The following GEMIN5 variants were observed in gnomAD, a reference collection of about 807,000 sequenced individuals.
The protein encoded by GEMIN5 is gem-associated protein 5.
GEMIN5 carries 124 observed loss-of-function variants against 176.9 expected under a neutral mutation model. That is an observed-to-expected ratio of 0.70 (90% CI 0.61 to 0.81). The LOEUF is 0.81. GEMIN5 is among the 40% of genes least tolerant of loss of function. The pLI is 0.00. For missense variants in GEMIN5, 1,843 were observed against 1,814.6 expected (o/e 1.02, Z -0.28); for synonymous variants, 673 against 665.2 (o/e 1.01, Z -0.18).
intron 25 of GEMIN5, 50 bp from the exon 26 acceptor site, chr5:154,891,792 G>C (rs775484649): frequency 6.6e-7 from 1 of 1,509,612 alleles, no homozygotes; most frequent in Non-Finnish European, 8.9e-7. Flanking sequence ...CTAGTTGCCA[G>C]AAATGTGGCT....
In GEMIN5 at chr5:154,902,645, C is replaced by T. The variant is rs752556952; in HGVS notation, c.2760G>A (p.Glu920=). ...GKGHLENGHP[E]LFHQLMLWKG... ...TCCAAAGCATAAGCTGGTGAAATAA[C>T]TCAGGGTGGCCATTTTCTAAGTGAC... is the stretch of plus-strand genomic sequence containing the variant. The change falls in exon 20 of 28, where the codon GAG becomes GAA. Residue 920 remains glutamate (E), a synonymous_variant. Coordinates refer to ENST00000285873, the MANE Select transcript of GEMIN5 (RefSeq NM_015465.5). 3.1e-6 allele frequency: 5 copies of T among 1,614,036 alleles called. No homozygotes were observed. The highest frequency in any genetic ancestry group is 4.2e-6 in the Non-Finnish European group (5 of 1,179,922).
At position 154,891,493 on chromosome 5, in the gene GEMIN5, CTGT is replaced by C. The variant is rs1287549834; in HGVS notation, c.4007_4009del (p.Asn1336del). On this transcript the variant is annotated inframe_deletion, in exon 26 of 28. Transcript: ENST00000285873. ...GAGTCTCAAGTCTAGTTCTGAAGGC[CTGT>C]TTGGCTCTGGCTGAGAAGTTTCAGG... The C allele has an allele frequency of 1.2e-6, 2 of 1,614,004 alleles. No individual in the cohort carries two copies. Among genetic ancestry groups the C allele is most frequent in the Non-Finnish European group, 1.7e-6 (2 of 1,180,040 alleles).
chr5:154,898,788 G>A (rs1763408887), intron 22 of GEMIN5, 138 bp from the exon 23 acceptor site: 2 of 721,944 alleles, frequency 2.8e-6, no homozygotes, highest in South Asian at 1.7e-5. Flanking sequence ...TGCCCCGGTT[G>A]TTCCTGTGAA....
rs35899504 is a variant in GEMIN5, at chr5:154,898,477, C to G, written c.3308G>C (p.Gly1103Ala). ...QELLLANNWV[G>A]AQEALQLHES... ...ATGCAGCTGCAGGGCTTCCTGGGCT[C>G]CCACCCAGTTGTTGGCCAGAAGCAG... is the stretch of plus-strand genomic sequence containing the variant. Residue 1103 changes from glycine to alanine, a missense_variant, in exon 23 of 28, where the codon GGA becomes GCA. By Grantham distance (60) the Gly-to-Ala change is moderately conservative (BLOSUM62 0). Transcript: ENST00000285873. 2.5e-6 allele frequency: 4 copies of G among 1,614,008 alleles called. No homozygotes were observed. The highest frequency in any genetic ancestry group is 3.3e-5 in the Admixed American group (2 of 59,998).
intron 25 of GEMIN5, 28 bp downstream of exon 25, chr5:154,892,359 G>A: frequency 6.3e-7 from 1 of 1,587,398 alleles, no homozygotes; most frequent in Non-Finnish European, 8.6e-7. Context: ...ATTAAAGGGT[G>A]TGCCTCAGGC....
chr5:154,921,238 G>C (rs1379130917), intron 10 of GEMIN5, 105 bp downstream of exon 10: 1 of 691,744 alleles, frequency 1.4e-6, no homozygotes, highest in Non-Finnish European at 2.6e-6. Flanking sequence ...CACATAAGCA[G>C]TCAGTGCACT....
chr5:154,889,093 G>A (rs1763168355), intron 27 of GEMIN5, among the ~76,000 whole-genome samples: 1 of 152,134 alleles, frequency 6.6e-6, no homozygotes, highest in South Asian at 2.1e-4. Context: ...AGCCAGGATG[G>A]TCTTGATCTC....
At position 154,911,001 on chromosome 5, in the gene GEMIN5, TCTTA is replaced by T. The variant is rs796710381; in HGVS notation, c.2167+722_2167+725del. ...GTGTGAGCCATCGCACCTGGCCTCC[TCTTA>T]CTTATGTTTAACAGTTGTCCCAGAT... On this transcript the variant is annotated intron_variant, in intron 15 of 27. Transcript: ENST00000285873. Among the ~76,000 whole-genome samples, 100 of 152,224 alleles carry T rather than the reference TCTTA, an allele frequency of 6.6e-4. 1 individual carries two copies. Among genetic ancestry groups the T allele is most frequent in the African/African-American group, 2.3e-3 (97 of 41,564 alleles).
intron 9 of GEMIN5, among the ~76,000 whole-genome samples, chr5:154,922,529 C>T (rs1169478356): frequency 2.0e-5 from 3 of 152,176 alleles, no homozygotes; most frequent in Admixed American, 2.0e-4. Context: ...TAGGGCAATA[C>T]CCACCACTCT....
intron 24 of GEMIN5, among the ~76,000 whole-genome samples, chr5:154,894,165 A>G (rs1763297742): frequency 6.6e-6 from 1 of 151,976 alleles, no homozygotes; most frequent in South Asian, 2.1e-4. Flanking sequence ...GGCTGGTCTC[A>G]AACTCCTGAG....
rs1271824217 is a variant in GEMIN5 at position 154,911,847 on chromosome 5, C to T, written c.2047G>A (p.Gly683Ser). The change falls in exon 15 of 28, where the codon GGT becomes AGT. Residue 683 changes from glycine (G) to serine (S), a missense_variant. By Grantham distance (56) the Gly-to-Ser change is moderately conservative. Coordinates refer to ENST00000285873, the MANE Select transcript of GEMIN5 (RefSeq NM_015465.5). ...GACCATGCCACACAAAGCAGTCGAC[C>T]TCGATGTCCTCGGAAATTGCACAGG... is the stretch of plus-strand genomic sequence containing the variant. ...EPLCNFRGHR[G>S]RLLCVAWSPL... 6.2e-7 allele frequency: 1 copy of T among 1,614,086 alleles called. No homozygotes were observed. The highest frequency in any genetic ancestry group is 1.1e-5 in the South Asian group (1 of 91,090).
At chr5:154,929,945 T>C (rs1764126071) in intron 5 of GEMIN5, among the ~76,000 whole-genome samples, 1 of 152,232 alleles carries the variant, frequency 6.6e-6, no homozygotes, top group African/African-American at 2.4e-5. Flanking sequence ...GCAACCCAAA[T>C]GTCCATCAGT....
At chr5:154,936,138 CG>C in intron 2 of GEMIN5, 116 bp from the exon 3 acceptor site, 1 of 676,864 alleles carries the variant, frequency 1.5e-6, no homozygotes, top group Non-Finnish European at 2.4e-6. Flanking sequence ...TTAATACGGC[CG>C]GGCGCGGTGG....
intron 4 of GEMIN5, chr5:154,931,813 A>G (rs1002851594): frequency 3.2e-5 from 16 of 494,448 alleles, no homozygotes; most frequent in African/African-American, 2.9e-4. Context: ...TCGGGAGTTC[A>G]AGACCAGCCT....
intron 5 of GEMIN5, among the ~76,000 whole-genome samples, chr5:154,929,543 G>A (rs1190648962): frequency 1.3e-5 from 2 of 152,124 alleles, no homozygotes; most frequent in African/African-American, 2.4e-5. Flanking sequence ...CTAGAGATTC[G>A]GACTCAGTAG....
intron 7 of GEMIN5, among the ~76,000 whole-genome samples, chr5:154,926,831 G>C (rs1764047980): frequency 1.3e-5 from 2 of 152,180 alleles, no homozygotes; most frequent in Non-Finnish European, 2.9e-5. Flanking sequence ...AGATCACGAG[G>C]TCAGGAGATC....
In GEMIN5 at chr5:154,926,224, A is replaced by G. The variant is rs533745107; in HGVS notation, c.1081-150T>C. On this transcript the variant is annotated intron_variant, in intron 7 of 27. Transcript: ENST00000285873. ...ATTGAAGAAAGCACTGCTAAGAAAAAAAAAATAGTAATAAATTATGTTGCT... is the reference window on the plus strand; with the variant it reads ...ATTGAAGAAAGCACTGCTAAGAAAAGAAAAATAGTAATAAATTATGTTGCT... The G allele has an allele frequency of 1.7e-5, 10 of 598,134 alleles. No homozygotes were observed. The South Asian group carries it at 2.2e-4, about 13-fold the overall frequency. The allele number at this position is 598,134 out of a possible 1,614,324, so 37.1% of individuals were successfully genotyped here. A position where few individuals can be genotyped will look rare whatever the true frequency, so the allele number is the denominator to read the frequency against.
intron 26 of GEMIN5, among the ~76,000 whole-genome samples, chr5:154,890,254 T>G (rs534226219): frequency 6.6e-6 from 1 of 152,334 alleles, no homozygotes; most frequent in East Asian, 1.9e-4. Context: ...TTTAGAGAAA[T>G]GTCTATTCAA....
In GEMIN5 at chr5:154,901,099, G is replaced by T. The variant is rs190972976; in HGVS notation, c.3014+240C>A. ...CCAGCACTTTGGGAGGCTGAGGCAC[G>T]AGGATCGCTTGAGCCCAGGAGTTGG... On this transcript the variant is annotated intron_variant, in intron 21 of 27. Transcript: ENST00000285873. Among the ~76,000 whole-genome samples, 8 of 152,300 alleles carry T rather than the reference G, an allele frequency of 5.3e-5. 1 individual carries two copies. In the East Asian group the frequency reaches 1.3e-3, roughly 26 times the overall value.
Sources: allele counts gnomAD v4.1 joint callset (sites outside exome capture counted in the v4.1 genomes callset), GRCh38; gene constraint gnomAD v4.1.1; transcripts MANE v1.5; gene names NCBI Gene and HGNC (gene_info 2026-07-23, HGNC 2026-07-21).